Variants in TENT4A observed in about 807,000 individuals in gnomAD.
The protein encoded by TENT4A is DNA polymerase kappa.
A neutral mutation model predicts 72.8 loss-of-function variants in TENT4A; 7 were observed. That is an observed-to-expected ratio of 0.10 (90% CI 0.05 to 0.18). TENT4A has a LOEUF of 0.18. Ranked by LOEUF, TENT4A falls within the 10% of genes least tolerant of loss-of-function variation. The pLI is 1.00. For missense variants in TENT4A, 831 were observed against 1,017.7 expected, an observed-to-expected ratio of 0.82 and a Z score of 2.50; for synonymous variants, 456 against 434.3, an observed-to-expected ratio of 1.05 and a Z score of -0.62.
intron 7 of TENT4A, 58 bp downstream of exon 7, chr5:6,746,485 T>A: frequency 6.5e-7 from 1 of 1,528,048 alleles, no homozygotes; most frequent in Non-Finnish European, 9.0e-7. Flanking sequence ...GACGTGCTGG[T>A]GACAGGGCCT....
Position 6,714,773 on chromosome 5 carries a change from C to G in TENT4A, c.716+74C>G, listed in dbSNP as rs1476221561. 1.2e-4 allele frequency: 100 copies of G among 824,686 alleles called. 1 individual carries two copies. The highest frequency in any genetic ancestry group is 1.6e-4 in the Non-Finnish European group (100 of 634,706). The allele number at this position is 824,686 out of a possible 1,614,324, so 51.1% of individuals were successfully genotyped here. ...GGCCGGCGCCCGCGGTGCAGACACCCGTCCCAGGCGCCCGGGCTTTTGGAG... is the reference window on the plus strand; with the variant it reads ...GGCCGGCGCCCGCGGTGCAGACACCGGTCCCAGGCGCCCGGGCTTTTGGAG... On this transcript the variant is annotated intron_variant, in intron 1 of 12. Transcript: ENST00000230859.
chr5:6,729,788 G>A (rs1159006790), intron 1 of TENT4A, among the ~76,000 whole-genome samples: 1 of 152,166 alleles, frequency 6.6e-6, no homozygotes, highest in East Asian at 1.9e-4. Flanking sequence ...TGTGTGCTGA[G>A]CTGGGTTGAG....
Position 6,756,178 on chromosome 5 carries a change from G to A in TENT4A, c.*1233G>A, listed in dbSNP as rs1223801900. The A allele has an allele frequency of 1.3e-5, 2 of 152,642 alleles. No individual in the cohort carries two copies. Among genetic ancestry groups the A allele is most frequent in the Non-Finnish European group, 2.9e-5 (2 of 68,056 alleles). 9.5% of individuals were successfully genotyped at this position (152,642 alleles called of 1,614,324 possible). ...CCGGGACCGCTGGCGCCCGACGTCGGAAGCATACAGGTATACTATGCAAGT... is the reference window on the plus strand; with the variant it reads ...CCGGGACCGCTGGCGCCCGACGTCGAAAGCATACAGGTATACTATGCAAGT... On this transcript the variant is annotated 3_prime_UTR_variant, in exon 13 of 13. Transcript: ENST00000230859.
chr5:6,717,770 C>A (rs1740458762), intron 1 of TENT4A, among the ~76,000 whole-genome samples: 1 of 152,252 alleles, frequency 6.6e-6, no homozygotes, highest in African/African-American at 2.4e-5. Flanking sequence ...TGCATCCCAG[C>A]CTCTGGCTGC....
At chr5:6,729,412 T>A (rs1011950139) in intron 1 of TENT4A, among the ~76,000 whole-genome samples, 1 of 152,384 alleles carries the variant, frequency 6.6e-6, no homozygotes, top group South Asian at 2.1e-4. Flanking sequence ...TGCTCACTTA[T>A]CTTTCATCCA....
At chr5:6,750,853 C>T in intron 10 of TENT4A, 186 bp from the exon 11 acceptor site, 1 of 601,020 alleles carries the variant, frequency 1.7e-6, no homozygotes, top group African/African-American at 1.8e-5. Flanking sequence ...CATTCTTTTT[C>T]AGTTGTGATG....
Position 6,714,266 on chromosome 5 carries a change from G to A in TENT4A, c.283G>A (p.Ala95Thr). The A allele has an allele frequency of 2.9e-6, 3 of 1,052,392 alleles. No homozygotes were observed. In the South Asian group the frequency reaches 1.3e-4, roughly 46 times the overall value. 65.2% of individuals were successfully genotyped at this position (1,052,392 alleles called of 1,614,324 possible). ...PPALLTALGPAAEGARRLHKS... is the reference protein window; with the variant it reads ...PPALLTALGPTAEGARRLHKS... ...CGCGCTGCTGACGGCGCTGGGGCCCGCGGCCGAGGGCGCGCGGCGCTTGCA... is the reference window on the plus strand; with the variant it reads ...CGCGCTGCTGACGGCGCTGGGGCCCACGGCCGAGGGCGCGCGGCGCTTGCA... Residue 95 changes from alanine to threonine, a missense_variant, in exon 1 of 13, where the codon GCG becomes ACG. Ala to Thr is a moderately conservative substitution (Grantham distance 58). Transcript: ENST00000230859.
At chr5:6,754,044 G>A (rs1299559160) in intron 12 of TENT4A, among the ~76,000 whole-genome samples, 1 of 152,246 alleles carries the variant, frequency 6.6e-6, no homozygotes, top group African/African-American at 2.4e-5. Flanking sequence ...TGTAGCCCAA[G>A]CACAGGCTGC....
Position 6,714,155 on chromosome 5 carries a change from G to C in TENT4A, c.172G>C (p.Gly58Arg). 1.0e-6 allele frequency: 1 copy of C among 973,662 alleles called. No homozygotes were observed. 60.3% of individuals were successfully genotyped at this position (973,662 alleles called of 1,614,324 possible). A position where few individuals can be genotyped will look rare whatever the true frequency, so the allele number is the denominator to read the frequency against. The stretch of plus-strand genomic sequence containing the variant: ...CACGGCGGCCGCGGCGGGGGCGGCC[G>C]GGCGGGGCAGTGGCGGCCTGGGCCC... ...LDTAAAAGAAGRGSGGLGPAL... is the reference protein window; with the variant it reads ...LDTAAAAGAARRGSGGLGPAL... Residue 58 changes from glycine (G) to arginine (R), a missense_variant, in exon 1 of 13, where the codon GGG becomes CGG. Gly to Arg is a moderately radical substitution (Grantham distance 125). This residue lies in a region of TENT4A where 302 missense variants were observed against 293.8 expected (regional missense o/e 1.03). Transcript: ENST00000230859.
chr5:6,741,196 C>G (rs981404349), intron 4 of TENT4A, among the ~76,000 whole-genome samples: 3 of 152,188 alleles, frequency 2.0e-5, no homozygotes, highest in African/African-American at 7.2e-5. Context: ...CCTCTGTTAC[C>G]TGAGGGCCAG....
chr5:6,753,430 T>C (rs934265693), intron 12 of TENT4A, among the ~76,000 whole-genome samples: 1 of 152,260 alleles, frequency 6.6e-6, no homozygotes, highest in African/African-American at 2.4e-5. Flanking sequence ...TATGCTGCTG[T>C]CATTCCCACG....
At position 6,754,832 on chromosome 5, in the gene TENT4A, G is replaced by A. The variant is rs1742603678; in HGVS notation, c.2266G>A (p.Gly756Ser). ...CGGCTACAGCTCTGTGGGTAGCGGA[G>A]GTGTGCGGCCCCCTGTGGGCAACAG... Reference protein sequence around the residue: ...GGGYSSVGSGGVRPPVGNRGH... With the variant: ...GGGYSSVGSGSVRPPVGNRGH... Residue 756 changes from glycine to serine, a missense_variant, in exon 13 of 13, where the codon GGT (glycine) becomes AGT (serine). Physicochemically the swap from Gly to Ser is moderately conservative, Grantham distance 56 (BLOSUM62 0). Transcript: ENST00000230859. 3.7e-6 allele frequency: 6 copies of A among 1,609,324 alleles called. No individual in the cohort carries two copies. The East Asian group carries it at 1.3e-4, about 36-fold the overall frequency.
At chr5:6,754,541 A>G (rs926764517) in intron 12 of TENT4A, among the ~76,000 whole-genome samples, 1 of 152,118 alleles carries the variant, frequency 6.6e-6, no homozygotes, top group Non-Finnish European at 1.5e-5. Context: ...GTGTGGTTTG[A>G]TCCTGGTACA....
At chr5:6,733,813 C>T (rs957261482) in intron 1 of TENT4A, among the ~76,000 whole-genome samples, 1 of 152,108 alleles carries the variant, frequency 6.6e-6, no homozygotes, top group Non-Finnish European at 1.5e-5. Context: ...CTGTGGTCGG[C>T]AGGGCTTATC....
chr5:6,746,972 C>T (rs1742139351), intron 7 of TENT4A, among the ~76,000 whole-genome samples: 1 of 152,166 alleles, frequency 6.6e-6, no homozygotes, highest in Admixed American at 6.5e-5. Flanking sequence ...TAGAGGTTTC[C>T]CGGTTTTATT....
chr5:6,719,102 A>G (rs1053648459), intron 1 of TENT4A, among the ~76,000 whole-genome samples: 1 of 152,218 alleles, frequency 6.6e-6, no homozygotes, highest in Non-Finnish European at 1.5e-5. Flanking sequence ...TATTTAATGC[A>G]TGTTTGTGAC....
At chr5:6,724,246 G>A (rs1391173717) in intron 1 of TENT4A, among the ~76,000 whole-genome samples, 1 of 152,236 alleles carries the variant, frequency 6.6e-6, no homozygotes, top group East Asian at 1.9e-4. Context: ...TTGGAGTGAA[G>A]AGCCACGCAA....
chr5:6,722,908 C>T (rs917489431), intron 1 of TENT4A, among the ~76,000 whole-genome samples: 1 of 152,182 alleles, frequency 6.6e-6, no homozygotes, highest in Non-Finnish European at 1.5e-5. Flanking sequence ...AATACAGTAG[C>T]CACTGGCCAT....
chr5:6,751,149 A>G lies in TENT4A; in HGVS notation c.1971A>G (p.Lys657=), dbSNP rs747239892. 2 of 1,614,172 alleles carry G rather than the reference A, an allele frequency of 1.2e-6. No individual in the cohort carries two copies. The highest frequency in any genetic ancestry group is 4.5e-5 in the East Asian group (2 of 44,880). ...LPTALPMPSG[K]PQPTTSRTLI... ...CCGCCTTGCCAATGCCCAGTGGCAA[A>G]CCTCAGCCCACCACTTCCAGAACAC... Residue 657 remains lysine (K), a synonymous_variant, in exon 11 of 13, where the codon AAA becomes AAG. Transcript: ENST00000230859.
Sources: gnomAD v4.1 joint callset for allele counts (sites outside exome capture counted in the v4.1 genomes callset) on GRCh38, gnomAD v4.1.1 for gene constraint, gnomAD v4.1.1 regional missense constraint, MANE v1.5 for transcripts, NCBI Gene and HGNC (gene_info 2026-07-23, HGNC 2026-07-21) for gene names.